Variants in SEMA6D observed in about 807,000 individuals in gnomAD.
SEMA6D encodes semaphorin 6D.
Under a neutral mutation model 106.6 loss-of-function variants are expected in SEMA6D, and 35 were observed. That is an observed-to-expected ratio of 0.33 (90% CI 0.25 to 0.44). SEMA6D has a LOEUF of 0.44. Among genes scored for constraint, SEMA6D ranks in the 20% least tolerant of loss-of-function variants. The pLI, the probability that SEMA6D is intolerant of heterozygous loss-of-function variation, is 1.00. For synonymous variants in SEMA6D, 499 were observed against 487.7 expected (o/e 1.02, Z -0.31); for missense variants, 1,185 against 1,345.9 (o/e 0.88, Z 1.87).
At chr15:47,656,698 A>T (rs1365654212) in intron 4 of SEMA6D, among the ~76,000 whole-genome samples, 1 of 152,206 alleles carries the variant, frequency 6.6e-6, no homozygotes, top group Admixed American at 6.5e-5. Flanking sequence ...GTGGTAAAGC[A>T]TTATCTCAGC....
intron 4 of SEMA6D, among the ~76,000 whole-genome samples, chr15:47,701,900 C>T (rs1422760428): frequency 2.6e-5 from 4 of 152,160 alleles, no homozygotes; most frequent in African/African-American, 9.7e-5. Flanking sequence ...TGTACCCTCT[C>T]ACCCATCCTT....
intron 1 of SEMA6D, among the ~76,000 whole-genome samples, chr15:47,236,228 C>T (rs964897785): frequency 6.6e-6 from 1 of 152,004 alleles, no homozygotes. Flanking sequence ...CTGCCATTTT[C>T]TGTAACATCT....
chr15:47,352,751 GA>G (rs2038374654), intron 1 of SEMA6D, among the ~76,000 whole-genome samples: 1 of 152,118 alleles, frequency 6.6e-6, no homozygotes, highest in Admixed American at 6.5e-5. Flanking sequence ...TTTGAGGGTC[GA>G]ATTGAATAGT....
chr15:47,513,991 C>T (rs2044311308), intron 3 of SEMA6D, among the ~76,000 whole-genome samples: 1 of 152,162 alleles, frequency 6.6e-6, no homozygotes, highest in South Asian at 2.1e-4. Context: ...TGCAGCTCCG[C>T]CATAGAAACT....
intron 4 of SEMA6D, among the ~76,000 whole-genome samples, chr15:47,601,097 TGA>T (rs144757309): frequency 2.3e-4 from 34 of 148,068 alleles, no homozygotes; most frequent in African/African-American, 8.2e-4. Context: ...AGAGAGAGAA[TGA>T]GAGAGAGAGA....
chr15:47,400,613 A>T (rs752442612), intron 1 of SEMA6D, among the ~76,000 whole-genome samples: 1 of 152,156 alleles, frequency 6.6e-6, no homozygotes, highest in Non-Finnish European at 1.5e-5. Flanking sequence ...ACAAAGTGAG[A>T]GATTATTACA....
chr15:47,603,702 ATTC>A lies in SEMA6D; in HGVS notation c.-55+2809_-55+2811del, dbSNP rs574370076. Among the ~76,000 whole-genome samples, 600 of 152,078 alleles carry A rather than the reference ATTC, an allele frequency of 3.9e-3. 4 individuals are homozygous for A. Among genetic ancestry groups the A allele is most frequent in the African/African-American group, 0.014 (570 of 41,476 alleles). ...ATTTGAGGGAATATATATAATTATT[ATTC>A]TTATTAAGTCCCCTCCCCCTCGCCC... On this transcript the variant is annotated intron_variant, in intron 4 of 19. Transcript: ENST00000558014.
At chr15:47,708,876 A>G (rs1030898097) in intron 4 of SEMA6D, among the ~76,000 whole-genome samples, 1 of 152,166 alleles carries the variant, frequency 6.6e-6, no homozygotes, top group Non-Finnish European at 1.5e-5. Flanking sequence ...ATAGTAAGCA[A>G]ATTTCCCAGT....
chr15:47,276,707 T>A (rs1367272277), intron 1 of SEMA6D, among the ~76,000 whole-genome samples: 1 of 152,208 alleles, frequency 6.6e-6, no homozygotes, highest in Non-Finnish European at 1.5e-5. Context: ...AGGAGGTTAA[T>A]GTTTTCATGC....
chr15:47,627,730 C>T (rs770501645), intron 4 of SEMA6D, among the ~76,000 whole-genome samples: 18 of 152,002 alleles, frequency 1.2e-4, no homozygotes, highest in Non-Finnish European at 1.5e-4. Flanking sequence ...TAATATCTTA[C>T]AAAAGTATAA....
intron 3 of SEMA6D, among the ~76,000 whole-genome samples, chr15:47,472,150 A>G (rs539097856): frequency 1.1e-3 from 174 of 152,230 alleles, no homozygotes; most frequent in African/African-American, 4.0e-3. Context: ...TTGAGACCAT[A>G]TTACCTTGGC....
At chr15:47,655,590 G>A (rs1035161280) in intron 4 of SEMA6D, among the ~76,000 whole-genome samples, 7 of 152,202 alleles carry the variant, frequency 4.6e-5, no homozygotes, top group African/African-American at 1.7e-4. Context: ...CTTCAAAGAA[G>A]ATGAATTATA....
intron 11 of SEMA6D, 126 bp downstream of exon 11, chr15:47,764,431 C>T (rs921692161): frequency 2.3e-6 from 3 of 1,301,408 alleles, no homozygotes; most frequent in African/African-American, 3.0e-5. Flanking sequence ...TCAGACAGAG[C>T]CAGCAGACAT....
At chr15:47,545,536 A>G (rs1363814367) in intron 3 of SEMA6D, among the ~76,000 whole-genome samples, 1 of 152,174 alleles carries the variant, frequency 6.6e-6, no homozygotes, top group Non-Finnish European at 1.5e-5. Context: ...CAGAATAGCA[A>G]CATGTATTCC....
At chr15:47,579,459 A>G (rs1030674843) in intron 3 of SEMA6D, among the ~76,000 whole-genome samples, 1 of 152,104 alleles carries the variant, frequency 6.6e-6, no homozygotes, top group Non-Finnish European at 1.5e-5. Context: ...TGTATTCTTA[A>G]TGAGAACCAA....
At chr15:47,201,541 G>T (rs532800728) in intron 1 of SEMA6D, among the ~76,000 whole-genome samples, 1 of 152,194 alleles carries the variant, frequency 6.6e-6, no homozygotes, top group East Asian at 1.9e-4. Context: ...TAGAAGTTTG[G>T]CAACATTACT....
intron 1 of SEMA6D, among the ~76,000 whole-genome samples, chr15:47,337,280 C>T (rs139505353): frequency 6.6e-5 from 10 of 152,260 alleles, no homozygotes; most frequent in Non-Finnish European, 1.3e-4. Flanking sequence ...ACATGTTACT[C>T]TTGCACCCTC....
In SEMA6D at chr15:47,402,010, T is replaced by C. The variant is rs560431310; in HGVS notation, c.-238-10383T>C. ...GTAAACAGTTCACAAAATCTTAAGA[T>C]AAACTGGTAAATAAATAGTTCAGAT... On this transcript the variant is annotated intron_variant, in intron 1 of 19. Transcript: ENST00000558014. Among the ~76,000 whole-genome samples, 11 of 152,264 alleles carry C rather than the reference T, an allele frequency of 7.2e-5. No homozygotes were observed. In the East Asian group the frequency reaches 2.1e-3, roughly 29 times the overall value.
chr15:47,558,655 C>A (rs1213682848), intron 3 of SEMA6D, among the ~76,000 whole-genome samples: 1 of 151,982 alleles, frequency 6.6e-6, no homozygotes, highest in African/African-American at 2.4e-5. Context: ...ATATTCAATT[C>A]AATCTATTAA....
Sources: allele counts gnomAD v4.1 joint callset (sites outside exome capture counted in the v4.1 genomes callset), GRCh38; gene constraint gnomAD v4.1.1; transcripts MANE v1.5; gene names NCBI Gene and HGNC (gene_info 2026-07-23, HGNC 2026-07-21).